Variants in MOXD1 observed in about 807,000 individuals in gnomAD.
MOXD1 encodes the protein monooxygenase DBH like 1.
Under a neutral mutation model 66.6 loss-of-function variants are expected in MOXD1, and 62 were observed. The ratio of observed to expected loss-of-function variants is 0.93; its 90% CI spans 0.76 to 1.15. MOXD1 has a LOEUF of 1.15. Among genes scored for constraint, MOXD1 ranks in the 50% most tolerant of loss-of-function variants. The pLI is 0.00. For missense variants in MOXD1, 847 were observed against 754.6 expected (o/e 1.12, Z -1.44); for synonymous variants, 303 against 281.9 (o/e 1.07, Z -0.75).
chr6:132,322,547 C>A lies in MOXD1; in HGVS notation c.1305+132G>T, dbSNP rs191695721. 9.8e-6 allele frequency: 8 copies of A among 817,838 alleles called. No individual in the cohort carries two copies. The Admixed American group carries it at 2.4e-4, about 25-fold the overall frequency. The allele number at this position is 817,838 out of a possible 1,614,324, so 50.7% of individuals were successfully genotyped here. ...ACATTCCATCTGGGTTGTACAACAC[C>A]CACAGTGGGTGGTGTTAAGAATACA... On this transcript the variant is annotated intron_variant, in intron 8 of 11. Transcript: ENST00000367963.
At chr6:132,336,365 G>T (rs182046361) in intron 4 of MOXD1, among the ~76,000 whole-genome samples, 1 of 152,310 alleles carries the variant, frequency 6.6e-6, no homozygotes, top group African/African-American at 2.4e-5. Flanking sequence ...AAGTGATGCT[G>T]CCTATGGGAA....
At position 132,297,065 on chromosome 6, in the gene MOXD1, A is replaced by G; in HGVS notation, c.*88T>C. ...GGGAAGAAAAGTCTCCACACTCTTCATGCCCAAAGTGGACACAGTCTTTAA... is the reference window on the plus strand; with the variant it reads ...GGGAAGAAAAGTCTCCACACTCTTCGTGCCCAAAGTGGACACAGTCTTTAA... On this transcript the variant is annotated 3_prime_UTR_variant, in exon 12 of 12. Coordinates refer to ENST00000367963, the MANE Select transcript of MOXD1 (RefSeq NM_015529.4). The G allele has an allele frequency of 7.1e-7, 1 of 1,400,050 alleles. No homozygotes were observed. The highest frequency in any genetic ancestry group is 9.8e-7 in the Non-Finnish European group (1 of 1,023,606). The allele number at this position is 1,400,050 out of a possible 1,614,324, so 86.7% of individuals were successfully genotyped here. A position where few individuals can be genotyped will look rare whatever the true frequency, so the allele number is the denominator to read the frequency against.
chr6:132,301,576 CG>C (rs1264211473), intron 10 of MOXD1, among the ~76,000 whole-genome samples: 2 of 151,634 alleles, frequency 1.3e-5, no homozygotes, highest in African/African-American at 4.8e-5. Flanking sequence ...ATGTCTTTCT[CG>C]GGGTAGAGAA....
chr6:132,331,824 G>A (rs530438462), intron 4 of MOXD1, among the ~76,000 whole-genome samples: 23 of 152,292 alleles, frequency 1.5e-4, no homozygotes, highest in South Asian at 1.2e-3. Context: ...TGTAGGAAGC[G>A]TGTTGGAGAT....
chr6:132,353,377 ATTTG>A (rs1775842764), intron 4 of MOXD1, among the ~76,000 whole-genome samples: 1 of 152,104 alleles, frequency 6.6e-6, no homozygotes, highest in African/African-American at 2.4e-5. Context: ...TTCTCTCAGC[ATTTG>A]TTTGTCTAAA....
intron 4 of MOXD1, among the ~76,000 whole-genome samples, chr6:132,369,913 G>T (rs1359264062): frequency 2.0e-5 from 3 of 151,994 alleles, no homozygotes; most frequent in African/African-American, 4.8e-5. Flanking sequence ...CAGATAAGTG[G>T]GTCTAGGCAC....
At chr6:132,332,701 T>A (rs930263645) in intron 4 of MOXD1, among the ~76,000 whole-genome samples, 4 of 152,236 alleles carry the variant, frequency 2.6e-5, no homozygotes, top group Non-Finnish European at 5.9e-5. Flanking sequence ...CTTCACGCCA[T>A]GCTTACAAAG....
rs1562289904 is a variant in MOXD1 at position 132,349,410 on chromosome 6, T to TATATATATACATATATATATATAC, written c.664-20817_664-20816insGTATATATATATATGTATATATAT. Among the ~76,000 whole-genome samples the TATATATATACATATATATATATAC allele has an allele frequency of 8.5e-5, 7 of 82,672 alleles. 2 individuals are homozygous for TATATATATACATATATATATATAC. The highest frequency in any genetic ancestry group is 4.5e-4 in the African/African-American group (6 of 13,452). 54.2% of individuals were successfully genotyped at this position (82,672 alleles called of 152,430 possible). The stretch of plus-strand genomic sequence containing the variant: ...ATATATATACACATATATATACATA[T>TATATATATACATATATATATATAC]ATATATATATACATATATATATATA... On this transcript the variant is annotated intron_variant, in intron 4 of 11. Coordinates refer to ENST00000367963, the MANE Select transcript of MOXD1 (RefSeq NM_015529.4).
chr6:132,297,615 G>T (rs1020450031), intron 11 of MOXD1, among the ~76,000 whole-genome samples, 172 bp downstream of exon 11: 1 of 152,144 alleles, frequency 6.6e-6, no homozygotes, highest in Non-Finnish European at 1.5e-5. Flanking sequence ...TTGAAAGGGG[G>T]TAGAATGAGG....
At chr6:132,372,732 C>T (rs1201570014) in intron 3 of MOXD1, 41 bp from the exon 4 acceptor site, 1 of 1,607,536 alleles carries the variant, frequency 6.2e-7, no homozygotes. Context: ...AAGTCACCTT[C>T]TCTTAACATG....
At chr6:132,304,920 T>C (rs1232547775) in intron 10 of MOXD1, among the ~76,000 whole-genome samples, 1 of 152,192 alleles carries the variant, frequency 6.6e-6, no homozygotes, top group Non-Finnish European at 1.5e-5. Context: ...TATATTATTT[T>C]AAGAACATTT....
At chr6:132,322,195 C>T (rs1775090538) in intron 8 of MOXD1, among the ~76,000 whole-genome samples, 1 of 152,194 alleles carries the variant, frequency 6.6e-6, no homozygotes, top group African/African-American at 2.4e-5. Context: ...TTATGTCAAG[C>T]TGGATCACAC....
intron 1 of MOXD1, among the ~76,000 whole-genome samples, chr6:132,376,501 C>CTTTTTTT (rs1166086289): frequency 3.1e-5 from 2 of 65,360 alleles, no homozygotes; most frequent in Non-Finnish European, 2.4e-5. Context: ...ACTACAGCTT[C>CTTTTTTT]TTTTTTTTTT....
chr6:132,348,070 A>T (rs911239063), intron 4 of MOXD1, among the ~76,000 whole-genome samples: 1 of 152,178 alleles, frequency 6.6e-6, no homozygotes, highest in Non-Finnish European at 1.5e-5. Context: ...CCCCGACTCC[A>T]GGAAGTCTGT....
intron 4 of MOXD1, among the ~76,000 whole-genome samples, chr6:132,351,728 C>A (rs1292319924): frequency 6.6e-6 from 1 of 151,906 alleles, no homozygotes; most frequent in East Asian, 1.9e-4. Flanking sequence ...ACCAATTCTT[C>A]TTTGAATGCC....
At chr6:132,389,350 G>A (rs560477244) in intron 1 of MOXD1, among the ~76,000 whole-genome samples, 1 of 151,542 alleles carries the variant, frequency 6.6e-6, no homozygotes, top group South Asian at 2.1e-4. Context: ...AACATCAGAT[G>A]GTCACTCTGA....
chr6:132,336,259 C>T (rs1775436069), intron 4 of MOXD1, among the ~76,000 whole-genome samples: 2 of 152,280 alleles, frequency 1.3e-5, no homozygotes, highest in South Asian at 4.1e-4. Flanking sequence ...TCCTGGCACC[C>T]AGCTTTACAT....
At chr6:132,307,092 AGACCCATCAGT>A (rs948267813) in intron 10 of MOXD1, among the ~76,000 whole-genome samples, 2 of 152,224 alleles carry the variant, frequency 1.3e-5, no homozygotes, top group Non-Finnish European at 2.9e-5. Context: ...GATAGAGTCA[AGACCCATCAGT>A]GTGCTATATT....
chr6:132,333,301 A>C (rs543951818), intron 4 of MOXD1, among the ~76,000 whole-genome samples: 4 of 140,610 alleles, frequency 2.8e-5, no homozygotes, highest in African/African-American at 1.1e-4. Context: ...GCCCCACTGC[A>C]CTCCAGCCTG....
Sources: gnomAD v4.1 joint callset for allele counts (sites outside exome capture counted in the v4.1 genomes callset) on GRCh38, gnomAD v4.1.1 for gene constraint, MANE v1.5 for transcripts, NCBI Gene and HGNC (gene_info 2026-07-23, HGNC 2026-07-21) for gene names.